Variants in KIF11 observed in about 807,000 individuals in gnomAD.
KIF11 encodes the protein kinesin-like protein KIF11.
In KIF11, 9 loss-of-function variants were observed where a neutral mutation model predicts 121.0. The observed-to-expected ratio is 0.07, with a 90% CI of 0.04 to 0.13. The LOEUF (loss-of-function observed/expected upper bound fraction) is 0.13. Ranked by LOEUF, KIF11 falls within the 10% of genes least tolerant of loss-of-function variation. The pLI, the probability that KIF11 is intolerant of heterozygous loss-of-function variation, is 1.00. For synonymous variants in KIF11, 408 were observed against 421.0 expected (o/e 0.97, Z 0.38); for missense variants, 846 against 1,217.5 (o/e 0.69, Z 4.54).
chr10:92,620,157 T>G (rs1844602191), intron 9 of KIF11, among the ~76,000 whole-genome samples: 1 of 149,338 alleles, frequency 6.7e-6, no homozygotes, highest in South Asian at 2.1e-4. Context: ...CTCGGCTCAC[T>G]GCAAGCTTCA....
chr10:92,609,044 C>T lies in KIF11; in HGVS notation c.412C>T (p.Arg138Cys). The T allele has an allele frequency of 6.3e-7, 1 of 1,582,532 alleles. No homozygotes were observed. The highest frequency in any genetic ancestry group is 8.6e-7 in the Non-Finnish European group (1 of 1,165,858). Residue 138 changes from arginine to cysteine, a missense_variant, in exon 5 of 22, where the codon CGT (arginine) becomes TGT (cysteine). Physicochemically the swap from Arg to Cys is radical, Grantham distance 180. Around this residue, in one of 5 missense-constraint regions of KIF11, gnomAD observed 140 missense variants for 193.5 expected, o/e 0.72. Coordinates refer to ENST00000260731, the MANE Select transcript of KIF11 (RefSeq NM_004523.4). ...EEDPLAGIIP[R>C]TLHQIFEKLT... ...GGATCCCTTGGCTGGTATAATTCCA[C>T]GTACCCTTCATCAAATTTTTGAGAA...
Position 92,629,147 on chromosome 10 carries a change from A to AT in KIF11, c.1305+260dup, listed in dbSNP as rs1196644406. On this transcript the variant is annotated intron_variant, in intron 11 of 21. Coordinates refer to ENST00000260731, the MANE Select transcript of KIF11 (RefSeq NM_004523.4). Reference sequence around the variant, plus strand: ...AGGTGTGCACCACCATGCCTGGCTAATTTTTTTTGTATTTTTAGTAGAGAC... The same window carrying AT: ...AGGTGTGCACCACCATGCCTGGCTAATTTTTTTTTGTATTTTTAGTAGAGAC... Among the ~76,000 whole-genome samples the AT allele has an allele frequency of 3.1e-3, 468 of 151,262 alleles. 2 individuals are homozygous for AT. The highest frequency in any genetic ancestry group is 6.8e-3 in the Middle Eastern group (2 of 292).
chr10:92,616,631 T>G (rs547875507), intron 8 of KIF11, 106 bp from the exon 9 acceptor site: 3 of 569,184 alleles, frequency 5.3e-6, no homozygotes, highest in East Asian at 6.4e-5. Flanking sequence ...AAATTAGATA[T>G]AACTATAAAA....
chr10:92,611,763 G>A (rs1283095672), intron 6 of KIF11, among the ~76,000 whole-genome samples: 1 of 152,102 alleles, frequency 6.6e-6, no homozygotes, highest in Non-Finnish European at 1.5e-5. Flanking sequence ...GCTTGGTGTG[G>A]TGGCGTGTGC....
Position 92,640,957 on chromosome 10 carries a change from A to G in KIF11, c.2267+1057A>G, listed in dbSNP as rs992534006. 2.0e-5 allele frequency among the ~76,000 whole-genome samples: 3 copies of G among 151,536 alleles called. 1 individual carries two copies. In the South Asian group the frequency reaches 6.2e-4, roughly 32 times the overall value. On this transcript the variant is annotated intron_variant, in intron 17 of 21. Transcript: ENST00000260731. ...GAGATGGGGTTTCGCCACGTTGGCC[A>G]GGCTGATCTTGAACTCCTGGTCTCA...
At chr10:92,637,032 C>CAAAAAA (rs66987236) in intron 14 of KIF11, 152 bp from the exon 15 acceptor site, 9 of 374,764 alleles carry the variant, frequency 2.4e-5, no homozygotes, top group African/African-American at 1.3e-4. Context: ...GACTCCGTCT[C>CAAAAAA]AAAAAAAAAA....
At chr10:92,611,457 C>G (rs564090838) in intron 6 of KIF11, among the ~76,000 whole-genome samples, 120 of 151,994 alleles carry the variant, frequency 7.9e-4, no homozygotes, top group African/African-American at 2.8e-3. Context: ...CGTGATCCGT[C>G]CACCTCGGCT....
At chr10:92,607,540 A>AGGC (rs1395080054) in intron 4 of KIF11, among the ~76,000 whole-genome samples, 4 of 152,192 alleles carry the variant, frequency 2.6e-5, no homozygotes, top group Non-Finnish European at 5.9e-5. Context: ...TGAAGCTTGA[A>AGGC]GGCAGGGAGG....
At chr10:92,631,055 G>A (rs1317973424) in intron 12 of KIF11, among the ~76,000 whole-genome samples, 1 of 151,572 alleles carries the variant, frequency 6.6e-6, no homozygotes, top group East Asian at 2.0e-4. Context: ...GGAGGCCGAG[G>A]TGGGTGGATT....
Position 92,607,024 on chromosome 10 carries a change from ACCTCGG to A in KIF11, c.309-130_309-125del, listed in dbSNP as rs1414373652. On this transcript the variant is annotated intron_variant, in intron 3 of 21. Transcript: ENST00000260731. ...ACTCCGGACCTCAGGTGATCCGCCC[ACCTCGG>A]CCTCCCAAAGTGTTGGGATTATAGG... The A allele has an allele frequency of 4.8e-6, 3 of 622,010 alleles. No homozygotes were observed. The East Asian group carries it at 8.4e-5, about 17-fold the overall frequency. 38.5% of individuals were successfully genotyped at this position (622,010 alleles called of 1,614,324 possible). A position where few individuals can be genotyped will look rare whatever the true frequency, so the allele number is the denominator to read the frequency against.
At chr10:92,624,091 T>C (rs1035795268) in intron 10 of KIF11, among the ~76,000 whole-genome samples, 6 of 152,152 alleles carry the variant, frequency 3.9e-5, no homozygotes, top group Non-Finnish European at 7.4e-5. Flanking sequence ...CCCTTCCTCA[T>C]GTCCATGTCT....
intron 20 of KIF11, among the ~76,000 whole-genome samples, 184 bp from the exon 21 acceptor site, chr10:92,650,217 C>T (rs1279641808): frequency 6.6e-6 from 1 of 152,118 alleles, no homozygotes; most frequent in African/African-American, 2.4e-5. Flanking sequence ...TATATAGGAA[C>T]CTCTACTCTC....
intron 10 of KIF11, among the ~76,000 whole-genome samples, chr10:92,626,674 T>G (rs980022343): frequency 3.9e-5 from 6 of 152,252 alleles, no homozygotes; most frequent in African/African-American, 1.4e-4. Context: ...GTAACAATGT[T>G]GTATTACCCC....
Position 92,636,857 on chromosome 10 carries a change from A to G in KIF11, c.1876-327A>G, listed in dbSNP as rs11816962. 0.15 allele frequency among the ~76,000 whole-genome samples: 22,547 copies of G among 151,426 alleles called. 3,563 individuals carry two copies. The highest frequency in any genetic ancestry group is 0.4 in the African/African-American group (16,368 of 41,148). ...AGACCAGCCTGGCCAACATGGCGAA[A>G]CCCCATCTCTACTAAAAATACAAAA... is the stretch of plus-strand genomic sequence containing the variant. On this transcript the variant is annotated intron_variant, in intron 14 of 21. Transcript: ENST00000260731.
At chr10:92,605,166 C>T (rs1229085716) in intron 1 of KIF11, among the ~76,000 whole-genome samples, 2 of 152,138 alleles carry the variant, frequency 1.3e-5, no homozygotes, top group Non-Finnish European at 2.9e-5. Flanking sequence ...ATCATTTCAA[C>T]TAAATACCTA....
intron 1 of KIF11, among the ~76,000 whole-genome samples, chr10:92,602,028 G>A (rs1349674005): frequency 6.6e-6 from 1 of 152,160 alleles, no homozygotes; most frequent in Admixed American, 6.5e-5. Context: ...ACATGATTCT[G>A]TGGTTTCCTT....
intron 21 of KIF11, 42 bp from the exon 22 acceptor site, chr10:92,653,623 G>C (rs17875344): frequency 6.4e-7 from 1 of 1,573,942 alleles, no homozygotes; most frequent in African/African-American, 1.4e-5. Flanking sequence ...TGTATCTAAT[G>C]TTACTTTGTA....
At chr10:92,630,498 C>T in intron 12 of KIF11, 134 bp downstream of exon 12, 1 of 486,060 alleles carries the variant, frequency 2.1e-6, no homozygotes, top group African/African-American at 2.0e-5. Context: ...CATTATTTTA[C>T]TATTTCATCC....
intron 18 of KIF11, among the ~76,000 whole-genome samples, chr10:92,647,876 A>G (rs1268519783): frequency 6.6e-6 from 1 of 152,140 alleles, no homozygotes; most frequent in African/African-American, 2.4e-5. Context: ...TTGGAGGTCA[A>G]GGTGGGCAGA....
Sources: gnomAD v4.1 joint callset for allele counts (sites outside exome capture counted in the v4.1 genomes callset) on GRCh38, gnomAD v4.1.1 for gene constraint, gnomAD v4.1.1 regional missense constraint, MANE v1.5 for transcripts, NCBI Gene and HGNC (gene_info 2026-07-23, HGNC 2026-07-21) for gene names.